ZC3H12B: variants seen among roughly 807,000 people sequenced by gnomAD.
ZC3H12B encodes zinc finger CCCH-type containing 12B.
ZC3H12B carries 7 observed loss-of-function variants against 43.9 expected under a neutral mutation model. The observed-to-expected ratio is 0.16, with a 90% CI of 0.09 to 0.30. ZC3H12B has a LOEUF of 0.30. Among genes scored for constraint, ZC3H12B ranks in the 10% least tolerant of loss-of-function variants. The pLI is 1.00. For missense variants in ZC3H12B, 475 were observed against 670.2 expected, an observed-to-expected ratio of 0.71 and a Z score of 3.22; for synonymous variants, 222 against 241.7, an observed-to-expected ratio of 0.92 and a Z score of 0.76.
At chrX:65,050,340 T>A in the ZC3H12B span, among the ~76,000 whole-genome samples, 1 of 111,375 alleles carries the variant, frequency 9.0e-6, no homozygotes, top group Non-Finnish European at 1.9e-5. Context: ...GATCACTTCA[T>A]CTGCTAAAAG....
chrX:65,052,659 A>G, the ZC3H12B span, among the ~76,000 whole-genome samples: 1 of 110,707 alleles, frequency 9.0e-6, no homozygotes, highest in Non-Finnish European at 1.9e-5. Flanking sequence ...TATATGCCCC[A>G]TTTTCTTTAT....
At chrX:65,379,810 G>A (rs1298252947) in intron 2 of ZC3H12B, among the ~76,000 whole-genome samples, 2 of 112,492 alleles carry the variant, frequency 1.8e-5, no homozygotes, top group South Asian at 7.4e-4. Flanking sequence ...CGTGAAGAAT[G>A]CAGAAGCCTC....
At chrX:65,367,379 C>T (rs1490136527) in intron 1 of ZC3H12B, among the ~76,000 whole-genome samples, 3 of 111,087 alleles carry the variant, frequency 2.7e-5, no homozygotes, top group Non-Finnish European at 5.7e-5. Context: ...CAGTAACCCT[C>T]AGATCCCTAC....
At chrX:65,095,680 A>G in the ZC3H12B span, among the ~76,000 whole-genome samples, 1 of 112,010 alleles carries the variant, frequency 8.9e-6, no homozygotes, top group Admixed American at 9.5e-5. Context: ...ATTCTTAACA[A>G]GTGTTCTGAA....
At chrX:65,099,394 A>G in the ZC3H12B span, among the ~76,000 whole-genome samples, 1 of 111,555 alleles carries the variant, frequency 9.0e-6, no homozygotes, top group Non-Finnish European at 1.9e-5. Context: ...GACAGACTGC[A>G]TTCTCAAGTG....
chrX:65,506,278 CAGTGTT>C (rs1406058466), exon 5 of ZC3H12B: 12 of 112,435 alleles, frequency 1.1e-4, no homozygotes, highest in African/African-American at 3.5e-4. Context: ...TAAAAAGTGT[CAGTGTT>C]AGTGACTCAT....
chrX:65,312,216 G>T, the ZC3H12B span, among the ~76,000 whole-genome samples: 2 of 111,790 alleles, frequency 1.8e-5, no homozygotes, highest in Non-Finnish European at 3.8e-5. Context: ...CAATATAGTA[G>T]CAGTATGTTT....
the ZC3H12B span, among the ~76,000 whole-genome samples, chrX:65,224,985 C>A: frequency 8.9e-6 from 1 of 111,873 alleles, no homozygotes; most frequent in Admixed American, 9.4e-5. Flanking sequence ...CCTCTGCAGA[C>A]TTAAATGTCC....
intron 3 of ZC3H12B, among the ~76,000 whole-genome samples, chrX:65,414,519 G>A (rs1358485631): frequency 9.0e-6 from 1 of 111,326 alleles, no homozygotes; most frequent in Admixed American, 9.6e-5. Context: ...TCAAGGTGAA[G>A]GGGGAAGAAG....
At chrX:65,377,297 G>A (rs759341143) in intron 2 of ZC3H12B, among the ~76,000 whole-genome samples, 15 of 109,525 alleles carry the variant, frequency 1.4e-4, no homozygotes, top group Admixed American at 1.3e-3. Context: ...GCAAATTTAA[G>A]AGTTATTGGC....
rs1010480788 is a variant in ZC3H12B, at chrX:65,407,611, G to A, written n.407+8907G>A. Among the ~76,000 whole-genome samples, 9 of 113,599 alleles carry A rather than the reference G, an allele frequency of 7.9e-5. No homozygotes were observed. The Admixed American group carries it at 8.2e-4, about 10-fold the overall frequency. On this transcript the variant is annotated intron_variant and non_coding_transcript_variant, in intron 3 of 5. Coordinates refer to the ZC3H12B transcript ENST00000617377. ...CTGCGCCTCGCCCGCCGCCGCCTCG[G>A]GGAAAACCCGAAGAGGAGGCGGACC...
chrX:65,047,035 C>T, the ZC3H12B span, among the ~76,000 whole-genome samples: 8 of 110,462 alleles, frequency 7.2e-5, no homozygotes, highest in Non-Finnish European at 1.3e-4. Context: ...TCAGAAATCA[C>T]TGATCACAGA....
chrX:65,446,301 G>A (rs1055117046), intron 3 of ZC3H12B, among the ~76,000 whole-genome samples: 2 of 111,701 alleles, frequency 1.8e-5, no homozygotes, highest in Non-Finnish European at 3.8e-5. Flanking sequence ...AAGCTGAACT[G>A]CCTGGGGTTA....
chrX:65,257,734 C>G, the ZC3H12B span, among the ~76,000 whole-genome samples: 1 of 109,905 alleles, frequency 9.1e-6, no homozygotes, highest in African/African-American at 3.3e-5. Context: ...ACAAAAAAAC[C>G]TCAGAGACTA....
chrX:65,227,938 G>A, the ZC3H12B span, among the ~76,000 whole-genome samples: 1 of 111,510 alleles, frequency 9.0e-6, no homozygotes, highest in African/African-American at 3.3e-5. Flanking sequence ...ATTCACAGCC[G>A]AATTCTACCA....
the ZC3H12B span, among the ~76,000 whole-genome samples, chrX:65,324,943 T>C: frequency 1.8e-5 from 2 of 111,191 alleles, no homozygotes; most frequent in Non-Finnish European, 3.8e-5. Context: ...TCAGATTCTT[T>C]AGTATTAATA....
At chrX:65,291,377 C>T in the ZC3H12B span, among the ~76,000 whole-genome samples, 6 of 111,277 alleles carry the variant, frequency 5.4e-5, no homozygotes, top group South Asian at 2.2e-3. Flanking sequence ...TTGAAAATAC[C>T]AAGATGTGGA....
chrX:65,154,164 G>A, the ZC3H12B span, among the ~76,000 whole-genome samples: 6 of 111,136 alleles, frequency 5.4e-5, no homozygotes, highest in Admixed American at 2.9e-4. Context: ...ACACCAACAT[G>A]TCACATGTAT....
At chrX:65,451,370 T>C (rs926234742) in intron 3 of ZC3H12B, among the ~76,000 whole-genome samples, 2 of 112,177 alleles carry the variant, frequency 1.8e-5, no homozygotes, top group Non-Finnish European at 3.8e-5. Context: ...TTCTTTTAAG[T>C]GATTGCTTTG....
Sources: gnomAD v4.1 joint callset for allele counts (sites outside exome capture counted in the v4.1 genomes callset) on GRCh38, gnomAD v4.1.1 for gene constraint, MANE v1.5 for transcripts, NCBI Gene and HGNC (gene_info 2026-07-23, HGNC 2026-07-21) for gene names.